USP14: variants seen among roughly 807,000 people sequenced by gnomAD.
The protein encoded by USP14 is ubiquitin specific peptidase 14.
A neutral mutation model predicts 76.5 loss-of-function variants in USP14; 38 were observed. The ratio of observed to expected loss-of-function variants is 0.50; its 90% CI spans 0.38 to 0.65. USP14 has a LOEUF of 0.65. Ranked by LOEUF, USP14 falls within the 30% of genes least tolerant of loss-of-function variation. The probability of loss-of-function intolerance (pLI) is 0.00; values close to 1 mark genes in which losing one functional copy is unlikely to be tolerated. For missense variants in USP14, 467 were observed against 586.5 expected, an observed-to-expected ratio of 0.80 and a Z score of 2.10; for synonymous variants, 192 against 191.7, an observed-to-expected ratio of 1.00 and a Z score of -0.01.
chr18:188,263 T>A (rs1400918186), intron 5 of USP14, among the ~76,000 whole-genome samples: 2 of 152,160 alleles, frequency 1.3e-5, no homozygotes, highest in South Asian at 2.1e-4. Context: ...GGAGGTTTTT[T>A]AAAAATAAGA....
At chr18:183,027 C>A (rs1567830091) in intron 5 of USP14, among the ~76,000 whole-genome samples, 1 of 152,148 alleles carries the variant, frequency 6.6e-6, no homozygotes. Flanking sequence ...TTCTAGGTAG[C>A]TAAGATTATT....
intron 3 of USP14, among the ~76,000 whole-genome samples, chr18:171,027 T>A (rs12051937): frequency 0.045 from 2,110 of 47,180 alleles, 30 homozygotes; most frequent in East Asian, 0.092. Context: ...AAAAAAAAAA[T>A]ATATATATAT....
chr18:200,948 C>T (rs1419888615), intron 10 of USP14, among the ~76,000 whole-genome samples: 6 of 152,000 alleles, frequency 3.9e-5, no homozygotes, highest in Admixed American at 2.6e-4. Context: ...ACTACAGGTG[C>T]GTGCCACCAC....
intron 1 of USP14, chr18:162,947 G>A (rs146297254): frequency 0.02 from 3,250 of 159,262 alleles, 99 homozygotes; most frequent in African/African-American, 0.072. Flanking sequence ...ACAGGCGTGC[G>A]CCACCACACC....
In USP14 at chr18:163,073, G is replaced by A. The variant is rs575564749; in HGVS notation, c.17-235G>A. 2.7e-4 allele frequency: 91 copies of A among 336,568 alleles called. 2 individuals carry two copies. In the Admixed American group the frequency reaches 3.9e-3, roughly 14 times the overall value. 20.8% of individuals were successfully genotyped at this position (336,568 alleles called of 1,614,324 possible). The stretch of plus-strand genomic sequence containing the variant: ...TTACAGGCGTGAGCCACCACGCCCA[G>A]CCTGCTGAAGTCTCAGTTTCTTTAA... On this transcript the variant is annotated intron_variant, in intron 1 of 15. Transcript: ENST00000261601.
At chr18:165,269 G>A (rs1206407099) in intron 2 of USP14, among the ~76,000 whole-genome samples, 2 of 152,240 alleles carry the variant, frequency 1.3e-5, no homozygotes, top group South Asian at 2.1e-4. Context: ...AATAATATAA[G>A]TATAGCTTTA....
chr18:213,356 A>AT lies in USP14; in HGVS notation c.*2073dup, dbSNP rs1277613376. 6.6e-6 allele frequency: 1 copy of AT among 152,208 alleles called. No homozygotes were observed. The allele number at this position is 152,208 out of a possible 1,614,324, so 9.4% of individuals were successfully genotyped here. On this transcript the variant is annotated 3_prime_UTR_variant, in exon 16 of 16. Transcript: ENST00000261601. ...TTGTAATTAATTCCTTATCATCATT[A>AT]TAAAAAGCTTGATTTTTTTATTTGA...
At chr18:161,519 T>C (rs1359157795) in intron 1 of USP14, among the ~76,000 whole-genome samples, 2 of 152,186 alleles carry the variant, frequency 1.3e-5, no homozygotes, top group Non-Finnish European at 2.9e-5. Context: ...GCATTCCACT[T>C]TGTTGCTGTA....
intron 13 of USP14, among the ~76,000 whole-genome samples, chr18:206,034 T>C (rs536793874): frequency 4.6e-5 from 7 of 152,254 alleles, no homozygotes; most frequent in African/African-American, 1.7e-4. Flanking sequence ...CGTGTACAGG[T>C]TTTAATGTAA....
chr18:188,570 A>T (rs1274276), intron 5 of USP14, among the ~76,000 whole-genome samples: 2 of 124,908 alleles, frequency 1.6e-5, no homozygotes, highest in African/African-American at 3.2e-5. Context: ...CTCTATGTCT[A>T]TCTTTTCCTG....
intron 6 of USP14, 27 bp from the exon 7 acceptor site, chr18:196,610 T>A (rs749008423): frequency 1.3e-6 from 2 of 1,598,894 alleles, no homozygotes; most frequent in African/African-American, 2.7e-5. Context: ...ACTGTTTTAC[T>A]AAGGCAATGT....
intron 2 of USP14, among the ~76,000 whole-genome samples, chr18:164,422 T>C (rs151227286): frequency 6.6e-6 from 1 of 152,272 alleles, no homozygotes; most frequent in African/African-American, 2.4e-5. Flanking sequence ...TTTTGGCCTT[T>C]ATTGCATCCT....
At chr18:182,682 C>T (rs1210744361) in intron 5 of USP14, among the ~76,000 whole-genome samples, 1 of 152,156 alleles carries the variant, frequency 6.6e-6, no homozygotes, top group Non-Finnish European at 1.5e-5. Flanking sequence ...GGGAGTTCAT[C>T]AGGGGTATCT....
intron 6 of USP14, among the ~76,000 whole-genome samples, chr18:194,494 T>C (rs770696551): frequency 2.3e-4 from 35 of 152,244 alleles, no homozygotes; most frequent in Admixed American, 3.9e-4. Flanking sequence ...TACTAACTTT[T>C]AGTCGCATTT....
At chr18:175,717 T>C (rs1022813481) in intron 3 of USP14, among the ~76,000 whole-genome samples, 5 of 152,292 alleles carry the variant, frequency 3.3e-5, no homozygotes, top group South Asian at 2.1e-4. Context: ...GTTAGTCTTA[T>C]ACAGTGAGTT....
At chr18:173,254 CCTG>C (rs1049223320) in intron 3 of USP14, among the ~76,000 whole-genome samples, 9 of 150,532 alleles carry the variant, frequency 6.0e-5, no homozygotes, top group Non-Finnish European at 8.9e-5. Context: ...ACTACAGGTG[CCTG>C]CCACCACACC....
intron 1 of USP14, among the ~76,000 whole-genome samples, chr18:160,108 G>T (rs1378021147): frequency 6.6e-6 from 1 of 152,068 alleles, no homozygotes; most frequent in Non-Finnish European, 1.5e-5. Context: ...GTTCGAGACC[G>T]CCTGGCCAAC....
Position 158,613 on chromosome 18 carries a change from C to T in USP14, c.-86C>T. ...ACCACCGCGCCTCCGCCTCGGCCGC[C>T]GCCGCAGCTGCTCCTGGTCCCCGTC... On this transcript the variant is annotated 5_prime_UTR_variant, in exon 1 of 16. Coordinates refer to ENST00000261601, the MANE Select transcript of USP14 (RefSeq NM_005151.4). 1 of 1,440,378 alleles carries T rather than the reference C, an allele frequency of 6.9e-7. No homozygotes were observed. The highest frequency in any genetic ancestry group is 1.5e-5 in the African/African-American group (1 of 67,316). The allele number at this position is 1,440,378 out of a possible 1,614,324, so 89.2% of individuals were successfully genotyped here.
At chr18:168,076 C>G (rs11873070) in intron 3 of USP14, among the ~76,000 whole-genome samples, 3,160 of 151,714 alleles carry the variant, frequency 0.021, 108 homozygotes, top group African/African-American at 0.073. Flanking sequence ...CAGGCGCCCA[C>G]CACCACGCCC....
Sources: gnomAD v4.1 joint callset for allele counts (sites outside exome capture counted in the v4.1 genomes callset) on GRCh38, gnomAD v4.1.1 for gene constraint, MANE v1.5 for transcripts, NCBI Gene and HGNC (gene_info 2026-07-23, HGNC 2026-07-21) for gene names.